PIK3IP1: variants seen among roughly 807,000 people sequenced by gnomAD.
PIK3IP1 encodes phosphoinositide-3-kinase-interacting protein 1.
PIK3IP1 carries 28 observed loss-of-function variants against 30.7 expected under a neutral mutation model. The ratio of observed to expected loss-of-function variants is 0.91; its 90% CI spans 0.68 to 1.25. The LOEUF (loss-of-function observed/expected upper bound fraction) is 1.25, where lower values mean the gene tolerates loss of function less well. Ranked by LOEUF, PIK3IP1 falls within the 50% of genes most tolerant of loss-of-function variation. The pLI is 0.00. For missense variants in PIK3IP1, 333 were observed against 346.2 expected (o/e 0.96, Z 0.30); for synonymous variants, 159 against 140.8 (o/e 1.13, Z -0.91).
chr22:31,287,046 C>G (rs907723048), intron 5 of PIK3IP1, among the ~76,000 whole-genome samples: 2 of 126,476 alleles, frequency 1.6e-5, no homozygotes, highest in African/African-American at 5.9e-5. Context: ...TTTGAGACAG[C>G]ATCTCACTCT....
intron 3 of PIK3IP1, 67 bp from the exon 4 acceptor site, chr22:31,289,766 G>A (rs1252635786): frequency 2.6e-6 from 4 of 1,513,430 alleles, no homozygotes; most frequent in Non-Finnish European, 3.6e-6. Context: ...GCTGAACCTG[G>A]CCTGAGTGTT....
chr22:31,291,347 G>A, intron 1 of PIK3IP1, 51 bp from the exon 2 acceptor site: 3 of 1,523,952 alleles, frequency 2.0e-6, no homozygotes, highest in Non-Finnish European at 8.9e-7. Context: ...GCGAACGGAA[G>A]ACGCCCAGCG....
chr22:31,283,736 C>T (rs1216298007), intron 5 of PIK3IP1, among the ~76,000 whole-genome samples: 4 of 151,286 alleles, frequency 2.6e-5, no homozygotes, highest in African/African-American at 9.7e-5. Context: ...GATAGAGACT[C>T]TTAAAGCAAG....
At chr22:31,284,317 G>A (rs1156570526) in intron 5 of PIK3IP1, among the ~76,000 whole-genome samples, 1 of 152,226 alleles carries the variant, frequency 6.6e-6, no homozygotes, top group African/African-American at 2.4e-5. Context: ...TAATGGCCAG[G>A]CTGCATCATA....
chr22:31,282,098 C>T lies in PIK3IP1; in HGVS notation c.*986G>A, dbSNP rs1252501272. 1 of 152,282 alleles carries T rather than the reference C, an allele frequency of 6.6e-6. No homozygotes were observed. Among genetic ancestry groups the T allele is most frequent in the Admixed American group, 6.5e-5 (1 of 15,272 alleles). 9.4% of individuals were successfully genotyped at this position (152,282 alleles called of 1,614,324 possible). ...GCTTTATGAGTTAGGGGCTGTGACC[C>T]TAGCCCCAGTGCCCTACAGGAAGGT... On this transcript the variant is annotated 3_prime_UTR_variant, in exon 6 of 6. Coordinates refer to ENST00000215912, the MANE Select transcript of PIK3IP1 (RefSeq NM_052880.5).
Position 31,282,970 on chromosome 22 carries a change from A to AG in PIK3IP1, c.*113dup, listed in dbSNP as rs2049100791. 1.3e-5 allele frequency: 10 copies of AG among 796,490 alleles called. No homozygotes were observed. Among genetic ancestry groups the AG allele is most frequent in the South Asian group, 1.8e-5 (1 of 56,396 alleles). The allele number at this position is 796,490 out of a possible 1,614,324, so 49.3% of individuals were successfully genotyped here. ...CACTCTTACTAGGATTCGCCAAAAA[A>AG]GCGGGGGAGTGGTAGGGTTTTAACC... On this transcript the variant is annotated 3_prime_UTR_variant, in exon 6 of 6. Coordinates refer to ENST00000215912, the MANE Select transcript of PIK3IP1 (RefSeq NM_052880.5).
chr22:31,283,202 T>C lies in PIK3IP1; in HGVS notation c.674A>G (p.Asn225Ser), dbSNP rs748619731. 6.2e-7 allele frequency: 1 copy of C among 1,614,052 alleles called. No homozygotes were observed. The highest frequency in any genetic ancestry group is 2.2e-5 in the East Asian group (1 of 44,858). The change falls in exon 6 of 6, where the codon AAC (asparagine) becomes AGC (serine). Residue 225 changes from asparagine (N) to serine (S), a missense_variant. Around this residue, in one of 3 missense-constraint regions of PIK3IP1, gnomAD observed 217 missense variants for 227.7 expected, o/e 0.95. Transcript: ENST00000215912. ...RITLPLSAFT[N>S]PTCEIVDEKT... ...CTCATCCACAATCTCACAGGTGGGG[T>C]TGGTGAAGGCAGACAAGGGCAGAGT...
chr22:31,288,546 G>A (rs987120017), intron 5 of PIK3IP1, among the ~76,000 whole-genome samples: 1 of 152,218 alleles, frequency 6.6e-6, no homozygotes, highest in African/African-American at 2.4e-5. Flanking sequence ...CAAATCCCCC[G>A]ATTTTGCCCA....
In PIK3IP1 at chr22:31,283,168, G is replaced by A. The variant is rs1342924277; in HGVS notation, c.708C>T (p.Val236=). The change falls in exon 6 of 6, where the codon GTC becomes GTT. Residue 236 remains valine, a synonymous_variant. Coordinates refer to ENST00000215912, the MANE Select transcript of PIK3IP1 (RefSeq NM_052880.5). ...CTGGAGTCTGGCTGGTGTGGACCAC[G>A]ACAGTCTTCTCATCCACAATCTCAC... ...PTCEIVDEKT[V]VVHTSQTPVD... is the part of the protein sequence containing the mutation. The A allele has an allele frequency of 9.9e-6, 16 of 1,614,062 alleles. No homozygotes were observed. Among genetic ancestry groups the A allele is most frequent in the East Asian group, 4.5e-5 (2 of 44,896 alleles).
intron 5 of PIK3IP1, among the ~76,000 whole-genome samples, chr22:31,286,543 A>G (rs2049131983): frequency 6.6e-6 from 1 of 152,214 alleles, no homozygotes; most frequent in African/African-American, 2.4e-5. Context: ...GGGGAGTCTG[A>G]TGACTGGGTG....
At chr22:31,291,394 C>T in intron 1 of PIK3IP1, 98 bp from the exon 2 acceptor site, 5 of 1,227,178 alleles carry the variant, frequency 4.1e-6, no homozygotes, top group South Asian at 1.3e-5. Flanking sequence ...CGGGCTGAAC[C>T]TCAGCCTGGT....
rs2049104374 is a variant in PIK3IP1, at chr22:31,283,295, G to GA, written c.588-8_588-7insT. 1 of 1,601,810 alleles carries GA rather than the reference G, an allele frequency of 6.2e-7. No homozygotes were observed. Among genetic ancestry groups the GA allele is most frequent in the Non-Finnish European group, 8.5e-7 (1 of 1,179,024 alleles). On this transcript the variant is annotated splice_polypyrimidine_tract_variant and splice_region_variant and intron_variant, in intron 5 of 5. Coordinates refer to ENST00000215912, the MANE Select transcript of PIK3IP1 (RefSeq NM_052880.5). The stretch of plus-strand genomic sequence containing the variant: ...TTCTTTCAAATCCTTCCCCCTGGCA[G>GA]GAAAAAAACAAACAAACATTCAGGC...
intron 3 of PIK3IP1, chr22:31,290,731 C>A (rs148188994): frequency 1.8e-6 from 1 of 553,608 alleles, no homozygotes; most frequent in South Asian, 2.9e-5. Flanking sequence ...AGCCTCACCC[C>A]AGCCTCGCCC....
intron 3 of PIK3IP1, 37 bp from the exon 4 acceptor site, chr22:31,289,736 T>A: frequency 1.3e-6 from 2 of 1,541,666 alleles, no homozygotes; most frequent in Non-Finnish European, 1.8e-6. Flanking sequence ...CATCAGGGAC[T>A]GCCCTGAGTG....
chr22:31,287,687 C>T (rs2049142611), intron 5 of PIK3IP1, among the ~76,000 whole-genome samples: 1 of 152,078 alleles, frequency 6.6e-6, no homozygotes, highest in Non-Finnish European at 1.5e-5. Context: ...CTATGTGCCA[C>T]ACCCTGAGCT....
chr22:31,290,744 C>T (rs5997944), intron 3 of PIK3IP1: 5 of 598,960 alleles, frequency 8.3e-6, no homozygotes, highest in African/African-American at 7.9e-5. Flanking sequence ...CCTCGCCCCG[C>T]GCAGTTGTTT....
chr22:31,292,162 A>G lies in PIK3IP1; in HGVS notation c.70+113T>C. 4 of 1,056,448 alleles carry G rather than the reference A, an allele frequency of 3.8e-6. No individual in the cohort carries two copies. In the South Asian group the frequency reaches 5.7e-5, roughly 15 times the overall value. The allele number at this position is 1,056,448 out of a possible 1,614,324, so 65.4% of individuals were successfully genotyped here. On this transcript the variant is annotated intron_variant, in intron 1 of 5. Transcript: ENST00000215912. ...GGTGGAAAAGCTTTCACGGGACAAC[A>G]GAAACCGGCTAAACGCTTCGTTTCC...
chr22:31,285,754 T>C (rs2049126398), intron 5 of PIK3IP1, among the ~76,000 whole-genome samples: 1 of 152,234 alleles, frequency 6.6e-6, no homozygotes, highest in Non-Finnish European at 1.5e-5. Context: ...TTGCTGGAGA[T>C]ACTAATACTC....
Position 31,282,502 on chromosome 22 carries a change from CCAGCAAG to C in PIK3IP1, c.*575_*581del, listed in dbSNP as rs2049097238. 2 of 152,840 alleles carry C rather than the reference CCAGCAAG, an allele frequency of 1.3e-5. No homozygotes were observed. Among genetic ancestry groups the C allele is most frequent in the African/African-American group, 4.8e-5 (2 of 41,416 alleles). The allele number at this position is 152,840 out of a possible 1,614,324, so 9.5% of individuals were successfully genotyped here. On this transcript the variant is annotated 3_prime_UTR_variant, in exon 6 of 6. Coordinates refer to ENST00000215912, the MANE Select transcript of PIK3IP1 (RefSeq NM_052880.5). ...CCACGGTTGTCAAGGCACATCATTG[CCAGCAAG>C]CTGAAGCATACCAGCAGCCACAACC... is the stretch of plus-strand genomic sequence containing the variant.
Sources: gnomAD v4.1 joint callset for allele counts (sites outside exome capture counted in the v4.1 genomes callset) on GRCh38, gnomAD v4.1.1 for gene constraint, gnomAD v4.1.1 regional missense constraint, MANE v1.5 for transcripts, NCBI Gene and HGNC (gene_info 2026-07-23, HGNC 2026-07-21) for gene names.